The following KBTBD11 variants were observed in gnomAD, a reference collection of about 807,000 sequenced individuals.
The protein encoded by KBTBD11 is kelch repeat and BTB domain-containing protein 11.
For missense variants in KBTBD11, 1,390 were observed against 1,001.8 expected (o/e 1.39, Z -5.23); for synonymous variants, 747 against 499.0 (o/e 1.50, Z -6.63).
In KBTBD11 at chr8:1,973,800, G is replaced by T; in HGVS notation, c.-1044G>T. 1 of 983,680 alleles carries T rather than the reference G, an allele frequency of 1.0e-6. No individual in the cohort carries two copies. Among genetic ancestry groups the T allele is most frequent in the Non-Finnish European group, 1.2e-6 (1 of 829,282 alleles). The allele number at this position is 983,680 out of a possible 1,614,324, so 60.9% of individuals were successfully genotyped here. ...CGCCCCGCTGCGGGTCGGAGGAGCA[G>T]CTCCCGCTCGCAGGTGCTCGGAGAG... On this transcript the variant is annotated 5_prime_UTR_variant, in exon 1 of 2. Transcript: ENST00000320248.
At chr8:1,981,799 G>C (rs953850791) in intron 1 of KBTBD11, among the ~76,000 whole-genome samples, 7 of 152,162 alleles carry the variant, frequency 4.6e-5, no homozygotes, top group Admixed American at 1.3e-4. Flanking sequence ...TTGCATCAGT[G>C]GTCCCCTGGG....
intron 1 of KBTBD11, among the ~76,000 whole-genome samples, chr8:1,991,218 T>G (rs1816903632): frequency 6.6e-6 from 1 of 152,258 alleles, no homozygotes; most frequent in African/African-American, 2.4e-5. Flanking sequence ...CACTCCTCCC[T>G]GCATGTGAGA....
chr8:1,979,064 G>A (rs2129308462), intron 1 of KBTBD11, among the ~76,000 whole-genome samples: 1 of 152,210 alleles, frequency 6.6e-6, no homozygotes, highest in Non-Finnish European at 1.5e-5. Flanking sequence ...GTACATGTGT[G>A]TGCATGTGTG....
At chr8:1,979,325 C>A (rs1816458996) in intron 1 of KBTBD11, among the ~76,000 whole-genome samples, 2 of 152,214 alleles carry the variant, frequency 1.3e-5, no homozygotes, top group Admixed American at 6.5e-5. Context: ...AAATGTTAAT[C>A]ATGTCTTTAA....
chr8:1,994,749 T>G (rs1379851735), intron 1 of KBTBD11, among the ~76,000 whole-genome samples: 1 of 152,106 alleles, frequency 6.6e-6, no homozygotes, highest in South Asian at 2.1e-4. Flanking sequence ...TCTCTTAGGA[T>G]GCCCTTCATA....
Position 2,004,686 on chromosome 8 carries a change from C to G in KBTBD11, c.*1622C>G, listed in dbSNP as rs577767574. ...ATGTTCTGGGGACGTGTCTGCTTGCCCATGGTTACTCATGAACTGAGGGGA... is the reference window on the plus strand; with the variant it reads ...ATGTTCTGGGGACGTGTCTGCTTGCGCATGGTTACTCATGAACTGAGGGGA... On this transcript the variant is annotated 3_prime_UTR_variant, in exon 2 of 2. Transcript: ENST00000320248. 6.0e-6 allele frequency: 1 copy of G among 167,044 alleles called. No homozygotes were observed. Among genetic ancestry groups the G allele is most frequent in the South Asian group, 2.1e-4 (1 of 4,816 alleles). The allele number at this position is 167,044 out of a possible 1,614,324, so 10.3% of individuals were successfully genotyped here.
chr8:2,005,582 G>C lies in KBTBD11; in HGVS notation c.*2518G>C, dbSNP rs1817548991. The C allele has an allele frequency of 6.0e-6, 1 of 167,128 alleles. No individual in the cohort carries two copies. The allele number at this position is 167,128 out of a possible 1,614,324, so 10.4% of individuals were successfully genotyped here. ...TGGCAACGGCTGATGCCCCAGGTAG[G>C]ACCTTTTCCAATTCAAAGTGGTGTT... On this transcript the variant is annotated 3_prime_UTR_variant, in exon 2 of 2. Transcript: ENST00000320248.
At chr8:1,974,594 C>T (rs968713405) in intron 1 of KBTBD11, 14 of 984,960 alleles carry the variant, frequency 1.4e-5, no homozygotes, top group African/African-American at 1.8e-5. Context: ...GAGCCCCGAG[C>T]ACCGCGACCC....
intron 1 of KBTBD11, among the ~76,000 whole-genome samples, chr8:1,994,699 C>T (rs1322973468): frequency 2.6e-5 from 4 of 152,214 alleles, no homozygotes; most frequent in East Asian, 3.8e-4. Context: ...TGTGTCCTTT[C>T]GGACTCACGT....
intron 1 of KBTBD11, among the ~76,000 whole-genome samples, chr8:1,983,236 G>A (rs916985166): frequency 2.6e-5 from 4 of 152,242 alleles, no homozygotes; most frequent in African/African-American, 7.2e-5. Flanking sequence ...GAATCCTGCC[G>A]CCTCTGCTGC....
intron 1 of KBTBD11, among the ~76,000 whole-genome samples, chr8:1,978,055 A>G (rs1816409879): frequency 6.6e-6 from 1 of 152,194 alleles, no homozygotes; most frequent in Non-Finnish European, 1.5e-5. Flanking sequence ...TTTGTTACAT[A>G]GGTAAACGTG....
At chr8:1,977,656 T>G (rs1816394531) in intron 1 of KBTBD11, among the ~76,000 whole-genome samples, 1 of 151,678 alleles carries the variant, frequency 6.6e-6, no homozygotes, top group African/African-American at 2.4e-5. Context: ...CTCGAGTAGC[T>G]GGGATTACAG....
chr8:1,975,111 G>A (rs1233789331), intron 1 of KBTBD11: 1 of 152,252 alleles, frequency 6.6e-6, no homozygotes, highest in African/African-American at 2.4e-5. Context: ...TGACATCACG[G>A]AAGGGAGCGT....
chr8:1,989,133 G>A (rs1220107257), intron 1 of KBTBD11, among the ~76,000 whole-genome samples: 1 of 152,200 alleles, frequency 6.6e-6, no homozygotes, highest in Non-Finnish European at 1.5e-5. Context: ...GTGCTCTGGT[G>A]CGACCTTGGT....
chr8:1,998,309 C>T (rs1036677261), intron 1 of KBTBD11, among the ~76,000 whole-genome samples: 1 of 152,184 alleles, frequency 6.6e-6, no homozygotes, highest in African/African-American at 2.4e-5. Flanking sequence ...GTTGGGGGCA[C>T]TGTGGGCTGC....
rs1346593091 is a variant in KBTBD11 at position 2,002,476 on chromosome 8, C to T, written c.1284C>T (p.Tyr428=). 9 of 1,510,056 alleles carry T rather than the reference C, an allele frequency of 6.0e-6. No homozygotes were observed. The highest frequency in any genetic ancestry group is 1.4e-5 in the African/African-American group (1 of 69,672). 93.5% of individuals were successfully genotyped at this position (1,510,056 alleles called of 1,614,324 possible). The stretch of plus-strand genomic sequence containing the variant: ...AGTGCCTGCTCAGCGTGGAGCGCTA[C>T]GACCCGCGCGCCGACCGCTGGGCCC... ...GGECLLSVER[Y]DPRADRWAPV... The change falls in exon 2 of 2, where the codon TAC becomes TAT. Residue 428 remains tyrosine (Y), a synonymous_variant. Coordinates refer to ENST00000320248, the MANE Select transcript of KBTBD11 (RefSeq NM_014867.3). This position sits in a 1 kb window ranked among gnomAD's most constrained non-coding sequence, Gnocchi z 4.1.
Position 2,001,933 on chromosome 8 carries a change from GCTGAAC to G in KBTBD11, c.742_747del (p.Leu248_Asn249del). On this transcript the variant is annotated inframe_deletion, in exon 2 of 2. Transcript: ENST00000320248. ...TCCTGAGCGCGGCCAAGCGGCAGCG[GCTGAAC>G]GAGCTGCGCGACGCCGCCTACTGCT... 6.8e-7 allele frequency: 1 copy of G among 1,467,158 alleles called. No individual in the cohort carries two copies. The highest frequency in any genetic ancestry group is 9.0e-7 in the Non-Finnish European group (1 of 1,105,482). 90.9% of individuals were successfully genotyped at this position (1,467,158 alleles called of 1,614,324 possible).
In KBTBD11 at chr8:2,002,906, C is replaced by T; in HGVS notation, c.1714C>T (p.Arg572Cys). ...IYCVSRAGTW[R>C]FQPAREGEAG... ...CTGCGTGAGCCGCGCGGGCACCTGG[C>T]GCTTCCAGCCTGCCCGGGAAGGCGA... Residue 572 changes from arginine (R) to cysteine (C), a missense_variant, in exon 2 of 2, where the codon CGC becomes TGC. Coordinates refer to ENST00000320248, the MANE Select transcript of KBTBD11 (RefSeq NM_014867.3). This position sits in a 1 kb window ranked among gnomAD's most constrained non-coding sequence, Gnocchi z 4.1. The T allele has an allele frequency of 7.6e-7, 1 of 1,318,892 alleles. No homozygotes were observed. The highest frequency in any genetic ancestry group is 2.0e-5 in the South Asian group (1 of 48,826). The allele number at this position is 1,318,892 out of a possible 1,614,324, so 81.7% of individuals were successfully genotyped here. A position where few individuals can be genotyped will look rare whatever the true frequency, so the allele number is the denominator to read the frequency against.
At position 2,005,877 on chromosome 8, in the gene KBTBD11, C is replaced by G. The variant is rs1817558325; in HGVS notation, c.*2813C>G. ...GCCTGACCTTTTGCTTAGTTGACAG[C>G]AATCCCTTCTGTATTGCCAATCAAG... is the stretch of plus-strand genomic sequence containing the variant. On this transcript the variant is annotated 3_prime_UTR_variant, in exon 2 of 2. Transcript: ENST00000320248. 1 of 167,092 alleles carries G rather than the reference C, an allele frequency of 6.0e-6. No individual in the cohort carries two copies. The highest frequency in any genetic ancestry group is 1.5e-5 in the Non-Finnish European group (1 of 68,122). The allele number at this position is 167,092 out of a possible 1,614,324, so 10.4% of individuals were successfully genotyped here. A position where few individuals can be genotyped will look rare whatever the true frequency, so the allele number is the denominator to read the frequency against.
Sources: gnomAD v4.1 joint callset for allele counts (sites outside exome capture counted in the v4.1 genomes callset) on GRCh38, gnomAD v4.1.1 for gene constraint, Gnocchi (gnomAD v3.1) non-coding constraint, MANE v1.5 for transcripts, NCBI Gene and HGNC (gene_info 2026-07-23, HGNC 2026-07-21) for gene names.